C1orf105: variants seen among roughly 807,000 people sequenced by gnomAD.
C1orf105 encodes uncharacterized protein C1orf105.
C1orf105 carries 17 observed loss-of-function variants against 20.8 expected under a neutral mutation model. The observed-to-expected ratio is 0.82, with a 90% confidence interval of 0.56 to 1.23. The LOEUF is 1.23. Among genes scored for constraint, C1orf105 ranks in the 50% most tolerant of loss-of-function variants. The pLI is 0.00. For synonymous variants in C1orf105, 72 were observed against 72.1 expected (o/e 1.00, Z 0.01); for missense variants, 219 against 213.5 (o/e 1.03, Z -0.16).
intron 2 of C1orf105, among the ~76,000 whole-genome samples, chr1:172,448,135 GA>G (rs1182940734): frequency 1.3e-5 from 2 of 152,228 alleles, no homozygotes; most frequent in Non-Finnish European, 2.9e-5. Flanking sequence ...CCCTTTCAAA[GA>G]GGAAACCTGG....
intron 1 of C1orf105, chr1:172,444,140 C>T (rs1280253317): frequency 1.5e-5 from 15 of 989,282 alleles, no homozygotes; most frequent in Non-Finnish European, 1.8e-5. Context: ...ACCATCGCGA[C>T]GTGACTGCTG....
At chr1:172,444,015 G>A (rs1016492226) in intron 1 of C1orf105, 37 of 1,000,102 alleles carry the variant, frequency 3.7e-5, no homozygotes, top group Non-Finnish European at 4.3e-5. Flanking sequence ...TGCGCAGCTG[G>A]GGGACGGCGG....
intron 1 of C1orf105, among the ~76,000 whole-genome samples, chr1:172,432,721 C>T (rs143596684): frequency 0.059 from 8,925 of 152,270 alleles, 280 homozygotes; most frequent in African/African-American, 0.083. Flanking sequence ...TCCAAAGGAT[C>T]GCAGCTCCTC....
intron 1 of C1orf105, among the ~76,000 whole-genome samples, chr1:172,437,889 G>A (rs751333736): frequency 3.9e-5 from 6 of 152,056 alleles, no homozygotes; most frequent in East Asian, 1.9e-4. Context: ...AGCTAAAGAG[G>A]AGAAGTCAAT....
intron 2 of C1orf105, 37 bp downstream of exon 2, chr1:172,445,195 A>T (rs1647848977): frequency 6.7e-7 from 1 of 1,493,986 alleles, no homozygotes; most frequent in African/African-American, 1.4e-5. Context: ...AGTTTTACGA[A>T]ACATCTCACA....
Position 172,468,434 on chromosome 1 carries a change from T to C in C1orf105, c.407-15T>C, listed in dbSNP as rs572599079. On this transcript the variant is annotated splice_polypyrimidine_tract_variant and intron_variant, in intron 6 of 6. Transcript: ENST00000367727. ...GTAGTCCTTATCCTTCTTTCCTTCT[T>C]GTACTGTCATCCAGAAAGCATTCAC... 7.5e-6 allele frequency: 12 copies of C among 1,604,298 alleles called. 1 individual carries two copies. The South Asian group carries it at 1.1e-4, about 15-fold the overall frequency.
chr1:172,456,642 C>A (rs1649282526), intron 4 of C1orf105, among the ~76,000 whole-genome samples, 153 bp downstream of exon 4: 1 of 152,166 alleles, frequency 6.6e-6, no homozygotes, highest in African/African-American at 2.4e-5. Flanking sequence ...GTCCTGGGAG[C>A]AGCATCGACT....
intron 1 of C1orf105, among the ~76,000 whole-genome samples, chr1:172,440,746 C>T (rs889371142): frequency 2.0e-5 from 3 of 152,180 alleles, no homozygotes; most frequent in Non-Finnish European, 4.4e-5. Flanking sequence ...CTTATGTTGC[C>T]TGCAAATGTG....
intron 1 of C1orf105, among the ~76,000 whole-genome samples, chr1:172,431,832 T>C (rs1026441231): frequency 6.6e-6 from 1 of 152,208 alleles, no homozygotes; most frequent in Non-Finnish European, 1.5e-5. Flanking sequence ...TTCCCTTTCC[T>C]AGCCAAGGGA....
chr1:172,453,577 T>C (rs1648901500), intron 3 of C1orf105, among the ~76,000 whole-genome samples: 1 of 152,262 alleles, frequency 6.6e-6, no homozygotes, highest in Non-Finnish European at 1.5e-5. Flanking sequence ...TTGCTTACAA[T>C]GACTCATTCA....
In C1orf105 at chr1:172,448,421, C is replaced by A; in HGVS notation, c.108-20C>A. Reference sequence around the variant, plus strand: ...AACATGGGACTGCGGTTCTAACGTTCTCTTGTTTTAATTACTTAGATATCC... The same window carrying A: ...AACATGGGACTGCGGTTCTAACGTTATCTTGTTTTAATTACTTAGATATCC... On this transcript the variant is annotated intron_variant, in intron 2 of 6. Transcript: ENST00000367727. The A allele has an allele frequency of 6.5e-7, 1 of 1,544,540 alleles. No homozygotes were observed. The highest frequency in any genetic ancestry group is 8.9e-7 in the Non-Finnish European group (1 of 1,119,848).
intron 1 of C1orf105, among the ~76,000 whole-genome samples, chr1:172,438,838 T>TATTTCATGAAATTGCCA (rs1351031917): frequency 6.6e-6 from 1 of 152,196 alleles, no homozygotes; most frequent in African/African-American, 2.4e-5. Context: ...ACCTCAGCCT[T>TATTTCATGAAATTGCCA]CAGCACCTAC....
intron 1 of C1orf105, among the ~76,000 whole-genome samples, chr1:172,440,564 C>A (rs2072188448): frequency 6.6e-6 from 1 of 152,134 alleles, no homozygotes; most frequent in Non-Finnish European, 1.5e-5. Context: ...CTGGATTGCT[C>A]CCCATTACCT....
At chr1:172,450,586 T>C (rs1300394111) in intron 3 of C1orf105, among the ~76,000 whole-genome samples, 1 of 152,226 alleles carries the variant, frequency 6.6e-6, no homozygotes, top group Admixed American at 6.5e-5. Context: ...AAGAAGCTGC[T>C]GGCAATCCGG....
chr1:172,444,429 G>A (rs760484980), intron 1 of C1orf105: 28 of 462,326 alleles, frequency 6.1e-5, no homozygotes, highest in Non-Finnish European at 6.5e-5. Context: ...CTGATTGAAT[G>A]CCTGCATGTA....
chr1:172,453,093 C>T, intron 3 of C1orf105: 1 of 1,550,822 alleles, frequency 6.4e-7, no homozygotes, highest in Non-Finnish European at 8.7e-7. Flanking sequence ...CCTGTCACAG[C>T]TGCCTTCCAC....
Position 172,452,797 on chromosome 1 carries a change from T to G in C1orf105, c.199-3618T>G. On this transcript the variant is annotated intron_variant, in intron 3 of 6. Coordinates refer to ENST00000367727, the MANE Select transcript of C1orf105 (RefSeq NM_139240.4). ...CTCCTGTCACAACTGCCATCTGCTA[T>G]CCAGAGGACAGCTGCTTGGGAAATG... 5 of 1,375,120 alleles carry G rather than the reference T, an allele frequency of 3.6e-6. No homozygotes were observed. In the South Asian group the frequency reaches 8.1e-5, roughly 22 times the overall value. 85.2% of individuals were successfully genotyped at this position (1,375,120 alleles called of 1,614,324 possible). A position where few individuals can be genotyped will look rare whatever the true frequency, so the allele number is the denominator to read the frequency against.
At chr1:172,433,753 A>G (rs2071945169) in intron 1 of C1orf105, among the ~76,000 whole-genome samples, 1 of 152,216 alleles carries the variant, frequency 6.6e-6, no homozygotes, top group South Asian at 2.1e-4. Flanking sequence ...ACACATAACA[A>G]TATTAACTTT....
At chr1:172,456,945 G>A (rs1294949344) in intron 4 of C1orf105, among the ~76,000 whole-genome samples, 2 of 152,210 alleles carry the variant, frequency 1.3e-5, no homozygotes, top group Non-Finnish European at 2.9e-5. Flanking sequence ...AGAGTCTACA[G>A]TACTTTCTAG....
Sources: gnomAD v4.1 joint callset for allele counts (sites outside exome capture counted in the v4.1 genomes callset) on GRCh38, gnomAD v4.1.1 for gene constraint, MANE v1.5 for transcripts, NCBI Gene and HGNC (gene_info 2026-07-23, HGNC 2026-07-21) for gene names.